Variants in PRKD1 observed in about 807,000 individuals in gnomAD.
PRKD1 encodes the protein protein kinase D1, also known as serine/threonine-protein kinase D1.
In PRKD1, 63 loss-of-function variants were observed where a neutral mutation model predicts 95.9. The observed-to-expected ratio is 0.66, with a 90% CI of 0.54 to 0.81. The LOEUF (loss-of-function observed/expected upper bound fraction) is 0.81, where lower values mean the gene tolerates loss of function less well. Ranked by LOEUF, PRKD1 falls within the 30% of genes least tolerant of loss-of-function variation. The pLI is 0.00. For missense variants in PRKD1, 1,048 were observed against 1,165.3 expected, an observed-to-expected ratio of 0.90 and a Z score of 1.47; for synonymous variants, 425 against 423.1, an observed-to-expected ratio of 1.00 and a Z score of -0.05.
chr14:29,745,159 T>C (rs1426703760), intron 1 of PRKD1, among the ~76,000 whole-genome samples: 1 of 152,204 alleles, frequency 6.6e-6, no homozygotes, highest in Non-Finnish European at 1.5e-5. Flanking sequence ...TCCCTGACCA[T>C]CCACAAGGAA....
chr14:29,581,679 T>C (rs1196747076), intron 16 of PRKD1, among the ~76,000 whole-genome samples: 8 of 152,192 alleles, frequency 5.3e-5, no homozygotes, highest in Admixed American at 5.2e-4. Flanking sequence ...ATAATTACAT[T>C]CTTAGTTATG....
chr14:29,734,235 T>C lies in PRKD1; in HGVS notation c.265-8561A>G, dbSNP rs2139417926. ...TTTTGTATTTTTAGTAGAGACGGGGTTTCACCATATTGGCCAGGCTGGTCT... is the reference window on the plus strand; with the variant it reads ...TTTTGTATTTTTAGTAGAGACGGGGCTTCACCATATTGGCCAGGCTGGTCT... On this transcript the variant is annotated intron_variant, in intron 1 of 17. Transcript: ENST00000331968. Among the ~76,000 whole-genome samples, 3 of 151,900 alleles carry C rather than the reference T, an allele frequency of 2.0e-5. No homozygotes were observed. The South Asian group carries it at 6.3e-4, about 32-fold the overall frequency.
intron 1 of PRKD1, among the ~76,000 whole-genome samples, chr14:29,882,983 G>C (rs542165227): frequency 1.3e-5 from 2 of 152,176 alleles, no homozygotes; most frequent in Non-Finnish European, 2.9e-5. Context: ...ATAAAGACCT[G>C]AGGTTGGGTA....
At chr14:29,786,411 G>A (rs1461199348) in intron 1 of PRKD1, among the ~76,000 whole-genome samples, 1 of 152,144 alleles carries the variant, frequency 6.6e-6, no homozygotes, top group Non-Finnish European at 1.5e-5. Flanking sequence ...TTTGAGAAGA[G>A]TTGGTGTTAG....
intron 2 of PRKD1, among the ~76,000 whole-genome samples, chr14:29,691,371 C>G (rs1444446877): frequency 6.6e-6 from 1 of 152,108 alleles, no homozygotes; most frequent in Non-Finnish European, 1.5e-5. Context: ...TTGATTATGT[C>G]TGGGGGTGGG....
chr14:29,865,255 C>A (rs1187226325), intron 1 of PRKD1, among the ~76,000 whole-genome samples: 2 of 152,132 alleles, frequency 1.3e-5, no homozygotes, highest in African/African-American at 4.8e-5. Context: ...TACCTCTAGT[C>A]TCCAACACAA....
intron 4 of PRKD1, chr14:29,652,755 A>G (rs1052371297): frequency 2.6e-5 from 4 of 152,250 alleles, no homozygotes; most frequent in Non-Finnish European, 4.4e-5. Context: ...CAGAGAAATC[A>G]CCAGGATTCC....
intron 1 of PRKD1, among the ~76,000 whole-genome samples, chr14:29,826,679 A>G (rs1278307197): frequency 2.0e-5 from 1 of 50,160 alleles, no homozygotes; most frequent in African/African-American, 6.0e-5. Context: ...ATGTGTATAT[A>G]TATATACACA....
chr14:29,870,190 C>T (rs980688798), intron 1 of PRKD1, among the ~76,000 whole-genome samples: 3 of 152,180 alleles, frequency 2.0e-5, no homozygotes, highest in Admixed American at 6.5e-5. Flanking sequence ...TCTTCAGCTG[C>T]ACCCCCTTTC....
At chr14:29,600,806 T>C (rs1231873009) in intron 13 of PRKD1, among the ~76,000 whole-genome samples, 1 of 152,182 alleles carries the variant, frequency 6.6e-6, no homozygotes, top group Non-Finnish European at 1.5e-5. Context: ...CGCTTAGCAT[T>C]AGACGATCTC....
rs76599583 is a variant in PRKD1, at chr14:29,844,119, C to G, written c.264+83130G>C. On this transcript the variant is annotated intron_variant, in intron 1 of 17. Coordinates refer to ENST00000331968, the MANE Select transcript of PRKD1 (RefSeq NM_002742.3). ...ACCAAGTATTTGGCAGTAAACAAAC[C>G]TGGCTCCAGATTTTCTTTAAGGGCA... 2.8e-3 allele frequency among the ~76,000 whole-genome samples: 424 copies of G among 152,266 alleles called. 12 individuals are homozygous for G. In the East Asian group the frequency reaches 0.043, roughly 15 times the overall value.
chr14:29,691,811 TAAAAC>T (rs1726838468), intron 2 of PRKD1, among the ~76,000 whole-genome samples: 1 of 152,114 alleles, frequency 6.6e-6, no homozygotes, highest in South Asian at 2.1e-4. Flanking sequence ...TTTCTATAAT[TAAAAC>T]AAAGATTCCT....
chr14:29,623,607 T>C (rs1164521942), intron 13 of PRKD1, among the ~76,000 whole-genome samples: 2 of 152,194 alleles, frequency 1.3e-5, no homozygotes, highest in East Asian at 3.9e-4. Context: ...CTTTATCACA[T>C]AATACATTTT....
At chr14:29,911,598 A>C (rs1401579151) in intron 1 of PRKD1, among the ~76,000 whole-genome samples, 1 of 152,212 alleles carries the variant, frequency 6.6e-6, no homozygotes, top group Non-Finnish European at 1.5e-5. Context: ...TAAGATATCC[A>C]CCAAAATATT....
chr14:29,912,571 G>C (rs1894753445), intron 1 of PRKD1, among the ~76,000 whole-genome samples: 1 of 152,154 alleles, frequency 6.6e-6, no homozygotes, highest in Non-Finnish European at 1.5e-5. Context: ...CCATGACTCT[G>C]AACATCTTAA....
intron 1 of PRKD1, among the ~76,000 whole-genome samples, chr14:29,786,690 T>C (rs1431056934): frequency 6.6e-6 from 1 of 152,128 alleles, no homozygotes; most frequent in East Asian, 1.9e-4. Context: ...GTAATGTTCC[T>C]TTTTTGTTTC....
intron 1 of PRKD1, among the ~76,000 whole-genome samples, chr14:29,835,912 C>A (rs1195969925): frequency 6.6e-6 from 1 of 152,206 alleles, no homozygotes; most frequent in Non-Finnish European, 1.5e-5. Context: ...GTAATATATT[C>A]TTCCTCTAGT....
At chr14:29,926,379 C>G (rs78119883) in intron 1 of PRKD1, among the ~76,000 whole-genome samples, 1 of 152,152 alleles carries the variant, frequency 6.6e-6, no homozygotes, top group South Asian at 2.1e-4. Context: ...GTCTGTATCA[C>G]CCCCTTCCAT....
intron 1 of PRKD1, among the ~76,000 whole-genome samples, chr14:29,779,392 C>T (rs530559105): frequency 1.5e-4 from 23 of 152,254 alleles, no homozygotes; most frequent in African/African-American, 4.1e-4. Context: ...AAAACCCCAT[C>T]GTCTCAGCCC....
Sources: allele counts gnomAD v4.1 joint callset (sites outside exome capture counted in the v4.1 genomes callset), GRCh38; gene constraint gnomAD v4.1.1; transcripts MANE v1.5; gene names NCBI Gene and HGNC (gene_info 2026-07-23, HGNC 2026-07-21).